CCDC146: variants seen among roughly 807,000 people sequenced by gnomAD.
The protein encoded by CCDC146 is coiled-coil domain-containing protein 146.
A neutral mutation model predicts 119.3 loss-of-function variants in CCDC146; 92 were observed. The ratio of observed to expected loss-of-function variants is 0.77; its 90% CI spans 0.65 to 0.92. The LOEUF (loss-of-function observed/expected upper bound fraction) is 0.92. CCDC146 is among the 40% of genes least tolerant of loss of function. CCDC146 has a pLI of 0.00. For missense variants in CCDC146, 1,000 were observed against 1,103.0 expected (o/e 0.91, Z 1.32); for synonymous variants, 372 against 371.8 (o/e 1.00, Z -0.01).
chr7:77,205,202 T>C (rs1697917789), intron 2 of CCDC146, among the ~76,000 whole-genome samples: 1 of 152,326 alleles, frequency 6.6e-6, no homozygotes, highest in Non-Finnish European at 1.5e-5. Context: ...TTGTTTCCTA[T>C]AAAGTCATTG....
In CCDC146 at chr7:77,241,907, G is replaced by A; in HGVS notation, c.449+7G>A. The stretch of plus-strand genomic sequence containing the variant: ...ATCAGTACAGATTAAATAGGTAAGT[G>A]CACAGTTCTCTCCGGCACACTGAAA... On this transcript the variant is annotated splice_region_variant and intron_variant, in intron 4 of 18. Transcript: ENST00000285871. The A allele has an allele frequency of 6.3e-7, 1 of 1,595,084 alleles. No individual in the cohort carries two copies. Among genetic ancestry groups the A allele is most frequent in the Non-Finnish European group, 8.6e-7 (1 of 1,163,098 alleles).
intron 16 of CCDC146, 87 bp from the exon 17 acceptor site, chr7:77,287,353 A>G: frequency 1.5e-6 from 2 of 1,349,772 alleles, no homozygotes; most frequent in Admixed American, 3.6e-5. Context: ...TGTGGGGGGT[A>G]GGGGGAGATA....
chr7:77,125,072 T>C (rs1790674159), intron 1 of CCDC146, among the ~76,000 whole-genome samples: 1 of 151,934 alleles, frequency 6.6e-6, no homozygotes, highest in Admixed American at 6.5e-5. Context: ...TGGACACCTG[T>C]AATCCCAGCT....
At position 77,196,626 on chromosome 7, in the gene CCDC146, A is replaced by C. The variant is rs752263777; in HGVS notation, c.156+28802A>C. Reference sequence around the variant, plus strand: ...CCAACGTGTAAACGATATTTGAGAAACTCATTAGCCACATAAAACTGATCA... The same window carrying C: ...CCAACGTGTAAACGATATTTGAGAACCTCATTAGCCACATAAAACTGATCA... On this transcript the variant is annotated intron_variant, in intron 2 of 18. Coordinates refer to ENST00000285871, the MANE Select transcript of CCDC146 (RefSeq NM_020879.3). The surrounding 1 kb of genome is among the most constrained non-coding windows in gnomAD (Gnocchi z 4.2). 3.7e-6 allele frequency: 6 copies of C among 1,613,866 alleles called. No homozygotes were observed. The highest frequency in any genetic ancestry group is 5.1e-6 in the Non-Finnish European group (6 of 1,179,960).
At chr7:77,236,614 AC>A (rs1394730374) in intron 2 of CCDC146, among the ~76,000 whole-genome samples, 2 of 151,282 alleles carry the variant, frequency 1.3e-5, no homozygotes, top group African/African-American at 4.9e-5. Context: ...CAAATAGCCA[AC>A]CTATAATCTA....
intron 2 of CCDC146, among the ~76,000 whole-genome samples, chr7:77,229,092 C>T (rs7800410): frequency 0.94 from 142,603 of 152,338 alleles, 66,885 homozygotes; most frequent in African/African-American, 0.98. Context: ...GAGCTTTTTT[C>T]CATAAAATTG....
chr7:77,145,864 T>C (rs946659373), intron 1 of CCDC146, among the ~76,000 whole-genome samples: 10 of 152,122 alleles, frequency 6.6e-5, no homozygotes, highest in Non-Finnish European at 1.5e-4. Flanking sequence ...GGAATAAGTG[T>C]GATGTGGTGC....
At chr7:77,123,385 T>C (rs917850448) in intron 1 of CCDC146, among the ~76,000 whole-genome samples, 2 of 147,040 alleles carry the variant, frequency 1.4e-5, no homozygotes, top group African/African-American at 5.1e-5. Flanking sequence ...AGAAAGATGG[T>C]TCTAAATGAC....
chr7:77,262,955 G>C (rs1044097820), intron 9 of CCDC146, among the ~76,000 whole-genome samples: 1 of 152,212 alleles, frequency 6.6e-6, no homozygotes, highest in African/African-American at 2.4e-5. Context: ...CCTTGAGAGG[G>C]CTTCAGCCTT....
Position 77,274,530 on chromosome 7 carries a change from GA to G in CCDC146, c.1320del (p.Glu441LysfsTer5), listed in dbSNP as rs1437088054. 2 of 1,609,246 alleles carry G rather than the reference GA, an allele frequency of 1.2e-6. No individual in the cohort carries two copies. The highest frequency in any genetic ancestry group is 2.2e-5 in the South Asian group (2 of 90,286). On this transcript the variant is annotated frameshift_variant, in exon 11 of 19. Transcript: ENST00000285871. LOFTEE classifies it high-confidence loss of function. ...ESKLVEQQLA[E>X]ENKLLKEQEN... Reference sequence around the variant, plus strand: ...TAAGTTAGTAGAACAACAACTTGCAGAAGAAAACAAGCTTTTAAAGGAGCAA... The same window carrying G: ...TAAGTTAGTAGAACAACAACTTGCAGAGAAAACAAGCTTTTAAAGGAGCAA...
intron 2 of CCDC146, among the ~76,000 whole-genome samples, chr7:77,174,928 A>G (rs1413883239): frequency 6.6e-6 from 1 of 152,176 alleles, no homozygotes; most frequent in Non-Finnish European, 1.5e-5. Context: ...CAGCTTTAGT[A>G]AAGACCTTCA....
intron 4 of CCDC146, among the ~76,000 whole-genome samples, chr7:77,250,573 T>C (rs1793037924): frequency 6.6e-6 from 1 of 152,186 alleles, no homozygotes; most frequent in Non-Finnish European, 1.5e-5. Flanking sequence ...GGTAAGTGTG[T>C]TTTTCCTGTA....
At chr7:77,251,274 A>G in intron 4 of CCDC146, among the ~76,000 whole-genome samples, 1 of 152,042 alleles carries the variant, frequency 6.6e-6, no homozygotes, top group East Asian at 1.9e-4. Context: ...TGCCCGCCTC[A>G]GCCTCCCAAA....
rs866620690 is a variant in CCDC146 at position 77,196,010 on chromosome 7, T to A, written c.156+28186T>A. 2 of 368,498 alleles carry A rather than the reference T, an allele frequency of 5.4e-6. No homozygotes were observed. The highest frequency in any genetic ancestry group is 7.2e-5 in the South Asian group (1 of 13,872). The allele number at this position is 368,498 out of a possible 1,614,324, so 22.8% of individuals were successfully genotyped here. On this transcript the variant is annotated intron_variant, in intron 2 of 18. Transcript: ENST00000285871. This position sits in a 1 kb window ranked among gnomAD's most constrained non-coding sequence, Gnocchi z 4.2. ...ATACAAGCAATAGAAAAAGTTTCAATAGAAATTAAAAGAATTGTAAATCTA... is the reference window on the plus strand; with the variant it reads ...ATACAAGCAATAGAAAAAGTTTCAAAAGAAATTAAAAGAATTGTAAATCTA...
intron 2 of CCDC146, among the ~76,000 whole-genome samples, chr7:77,210,652 C>T (rs1792163304): frequency 6.6e-6 from 1 of 152,162 alleles, no homozygotes; most frequent in African/African-American, 2.4e-5. Context: ...CTGTATTAGT[C>T]CATTCTCACA....
At chr7:77,180,578 G>A (rs1791571582) in intron 2 of CCDC146, among the ~76,000 whole-genome samples, 1 of 151,994 alleles carries the variant, frequency 6.6e-6, no homozygotes. Context: ...TGTGCCTGTG[G>A]TCTCAGCTAC....
chr7:77,226,689 T>G (rs1008423418), intron 2 of CCDC146, among the ~76,000 whole-genome samples: 1 of 152,242 alleles, frequency 6.6e-6, no homozygotes, highest in Non-Finnish European at 1.5e-5. Flanking sequence ...AACCTTTCAT[T>G]GTGTATGCTC....
At chr7:77,251,777 C>G (rs1180504009) in intron 4 of CCDC146, among the ~76,000 whole-genome samples, 1 of 152,192 alleles carries the variant, frequency 6.6e-6, no homozygotes, top group Non-Finnish European at 1.5e-5. Flanking sequence ...TGTGCTCTTT[C>G]TCTCACACAG....
intron 6 of CCDC146, among the ~76,000 whole-genome samples, chr7:77,257,653 C>T (rs1054209225): frequency 1.3e-5 from 2 of 152,224 alleles, no homozygotes; most frequent in African/African-American, 2.4e-5. Flanking sequence ...TGATCTGCCC[C>T]AGGACTGAGC....
Sources: gnomAD v4.1 joint callset for allele counts (sites outside exome capture counted in the v4.1 genomes callset) on GRCh38, gnomAD v4.1.1 for gene constraint, Gnocchi (gnomAD v3.1) non-coding constraint, MANE v1.5 for transcripts, NCBI Gene and HGNC (gene_info 2026-07-23, HGNC 2026-07-21) for gene names.